The following PSD3 variants were observed in gnomAD, a reference collection of about 807,000 sequenced individuals.
PSD3 encodes the protein pleckstrin and Sec7 domain containing 3.
In PSD3, 49 loss-of-function variants were observed where a neutral mutation model predicts 105.5. That is an observed-to-expected ratio of 0.46 (90% CI 0.37 to 0.59). The LOEUF (loss-of-function observed/expected upper bound fraction) is 0.59. Among genes scored for constraint, PSD3 ranks in the 20% least tolerant of loss-of-function variants. The probability of loss-of-function intolerance (pLI) is 0.00; values close to 1 mark genes in which losing one functional copy is unlikely to be tolerated. For synonymous variants in PSD3, 557 were observed against 457.8 expected, an observed-to-expected ratio of 1.22 and a Z score of -2.77; for missense variants, 1,561 against 1,263.8, an observed-to-expected ratio of 1.24 and a Z score of -3.57.
intron 8 of PSD3, among the ~76,000 whole-genome samples, chr8:18,783,293 A>C (rs1205421148): frequency 6.6e-6 from 1 of 152,158 alleles, no homozygotes; most frequent in Non-Finnish European, 1.5e-5. Context: ...AGTTACTTCC[A>C]TAAGGCCAAT....
At chr8:18,821,876 A>AC (rs1430123732) in intron 4 of PSD3, among the ~76,000 whole-genome samples, 4 of 67,222 alleles carry the variant, frequency 6.0e-5, no homozygotes, top group Non-Finnish European at 1.3e-4. Context: ...CACACACCAC[A>AC]CACACACACA....
intron 2 of PSD3, among the ~76,000 whole-genome samples, chr8:18,928,309 G>T (rs1187777047): frequency 6.6e-6 from 1 of 152,200 alleles, no homozygotes; most frequent in Non-Finnish European, 1.5e-5. Context: ...TGCCATGTAA[G>T]ACATCCCTTT....
chr8:18,843,641 ATAGAGAAG>A (rs1814835958), intron 4 of PSD3, among the ~76,000 whole-genome samples: 2 of 152,208 alleles, frequency 1.3e-5, no homozygotes, highest in Admixed American at 6.5e-5. Context: ...GGTACAAAGA[ATAGAGAAG>A]TAGAGAAGTA....
At chr8:18,991,357 C>T (rs1825787093) in intron 1 of PSD3, among the ~76,000 whole-genome samples, 2 of 65,922 alleles carry the variant, frequency 3.0e-5, no homozygotes, top group Admixed American at 1.5e-4. Context: ...CACACATACA[C>T]ACACACACAC....
chr8:18,720,251 T>A (rs949602825), intron 9 of PSD3, among the ~76,000 whole-genome samples: 1 of 152,146 alleles, frequency 6.6e-6, no homozygotes, highest in Non-Finnish European at 1.5e-5. Context: ...ATTAAAATGG[T>A]CATTAAAGTA....
intron 15 of PSD3, among the ~76,000 whole-genome samples, chr8:18,541,300 G>C (rs935102485): frequency 6.6e-6 from 1 of 151,766 alleles, no homozygotes; most frequent in African/African-American, 2.4e-5. Context: ...GCGCCACTGA[G>C]TGCATGAACA....
intron 11 of PSD3, among the ~76,000 whole-genome samples, chr8:18,623,045 T>C (rs545294338): frequency 8.5e-4 from 130 of 152,122 alleles, no homozygotes; most frequent in Admixed American, 1.6e-3. Flanking sequence ...TTCTTTTCAA[T>C]TTTCATTCAA....
intron 4 of PSD3, among the ~76,000 whole-genome samples, chr8:18,809,711 C>T (rs1257502068): frequency 6.6e-6 from 1 of 152,104 alleles, no homozygotes; most frequent in African/African-American, 2.4e-5. Context: ...TCCATGATTG[C>T]CAACTGGTAG....
chr8:18,667,991 G>A (rs949459975), intron 9 of PSD3, among the ~76,000 whole-genome samples: 1 of 152,238 alleles, frequency 6.6e-6, no homozygotes, highest in African/African-American at 2.4e-5. Flanking sequence ...GGGGCCCGCG[G>A]AAGCCACACC....
chr8:18,905,813 C>T (rs1435734059), intron 2 of PSD3, among the ~76,000 whole-genome samples: 2 of 152,010 alleles, frequency 1.3e-5, no homozygotes, highest in South Asian at 2.1e-4. Flanking sequence ...AAATAATTCA[C>T]GAATATAGGC....
chr8:18,642,520 T>C (rs1345949162), intron 10 of PSD3, among the ~76,000 whole-genome samples: 2 of 152,158 alleles, frequency 1.3e-5, no homozygotes, highest in Non-Finnish European at 2.9e-5. Flanking sequence ...TATAAGATTC[T>C]CTATCCTTAG....
In PSD3 at chr8:18,635,782, G is replaced by A. The variant is rs1171393415; in HGVS notation, c.2217-2976C>T. On this transcript the variant is annotated intron_variant, in intron 10 of 15. Coordinates refer to ENST00000327040, the MANE Select transcript of PSD3 (RefSeq NM_015310.4). ...CATCATTCTCAGCAAACTAACACAC[G>A]AATAGAAAACCAAACACCACATGTT... Among the ~76,000 whole-genome samples, 9 of 149,180 alleles carry A rather than the reference G, an allele frequency of 6.0e-5. No homozygotes were observed. The East Asian group carries it at 1.2e-3, about 20-fold the overall frequency.
At chr8:18,748,938 G>A (rs114948511) in intron 9 of PSD3, among the ~76,000 whole-genome samples, 422 of 152,266 alleles carry the variant, frequency 2.8e-3, no homozygotes, top group African/African-American at 9.9e-3. Flanking sequence ...CAGTAGATAT[G>A]GAGCTTTTAA....
At chr8:18,801,175 A>G in intron 7 of PSD3, 95 bp downstream of exon 7, 3 of 697,272 alleles carry the variant, frequency 4.3e-6, no homozygotes, top group Non-Finnish European at 4.8e-6. Flanking sequence ...TAGGTAACTG[A>G]AGATACATAA....
intron 1 of PSD3, among the ~76,000 whole-genome samples, chr8:19,050,833 T>TA (rs1012866125): frequency 4.6e-5 from 7 of 150,780 alleles, no homozygotes; most frequent in East Asian, 3.9e-4. Flanking sequence ...TCTTAAAGTA[T>TA]AAAAAAAAAT....
intron 2 of PSD3, among the ~76,000 whole-genome samples, chr8:18,884,445 G>T (rs994538284): frequency 1.3e-5 from 2 of 152,116 alleles, no homozygotes; most frequent in African/African-American, 4.8e-5. Flanking sequence ...AAATGAATAT[G>T]AGTAATGAGA....
chr8:18,793,556 C>T (rs1480747203), intron 8 of PSD3, among the ~76,000 whole-genome samples: 3 of 152,116 alleles, frequency 2.0e-5, no homozygotes, highest in Non-Finnish European at 4.4e-5. Context: ...AAGACAAACA[C>T]GGCACCAAGG....
intron 1 of PSD3, among the ~76,000 whole-genome samples, chr8:18,979,120 G>T (rs1376491031): frequency 6.6e-6 from 1 of 152,018 alleles, no homozygotes; most frequent in African/African-American, 2.4e-5. Context: ...AAAATTCTGT[G>T]ATTTCACAAT....
At position 18,535,997 on chromosome 8, in the gene PSD3, T is replaced by C. The variant is rs747581050; in HGVS notation, c.2929-39A>G. 1.9e-6 allele frequency: 3 copies of C among 1,573,624 alleles called. No homozygotes were observed. In the Admixed American group the frequency reaches 5.0e-5, roughly 26 times the overall value. On this transcript the variant is annotated intron_variant, in intron 15 of 15. Coordinates refer to ENST00000327040, the MANE Select transcript of PSD3 (RefSeq NM_015310.4). The stretch of plus-strand genomic sequence containing the variant: ...CAGAGAACAACGGTAGTCAGAAAAC[T>C]GTTCAAAATGCACGTGTGCAGCACA...
Sources: gnomAD v4.1 joint callset for allele counts (sites outside exome capture counted in the v4.1 genomes callset) on GRCh38, gnomAD v4.1.1 for gene constraint, MANE v1.5 for transcripts, NCBI Gene and HGNC (gene_info 2026-07-23, HGNC 2026-07-21) for gene names.